HKDC1: variants seen among roughly 807,000 people sequenced by gnomAD.
The protein encoded by HKDC1 is hexokinase domain containing 1, also known as hexokinase HKDC1.
A neutral mutation model predicts 96.6 loss-of-function variants in HKDC1; 66 were observed. The observed-to-expected ratio is 0.68, with a 90% confidence interval of 0.56 to 0.84. The LOEUF is 0.84. Among genes scored for constraint, HKDC1 ranks in the 40% least tolerant of loss-of-function variants. The probability of loss-of-function intolerance (pLI) is 0.00; values close to 1 mark genes in which losing one functional copy is unlikely to be tolerated. For synonymous variants in HKDC1, 466 were observed against 473.1 expected (o/e 0.98, Z 0.20); for missense variants, 1,211 against 1,208.1 (o/e 1.00, Z -0.04).
At chr10:69,247,792 G>C (rs753313450) in intron 9 of HKDC1, among the ~76,000 whole-genome samples, 199 bp downstream of exon 9, 5 of 152,200 alleles carry the variant, frequency 3.3e-5, no homozygotes, top group Non-Finnish European at 7.3e-5. Flanking sequence ...TACTCTTAAA[G>C]AAATATTCTG....
chr10:69,258,426 C>T (rs1027729713), intron 14 of HKDC1, among the ~76,000 whole-genome samples: 10 of 152,088 alleles, frequency 6.6e-5, no homozygotes, highest in Admixed American at 3.9e-4. Context: ...GCTAATTTTA[C>T]GACTGCTTGG....
In HKDC1 at chr10:69,232,828, C is replaced by G. The variant is rs369176877; in HGVS notation, c.291C>G (p.Val97=). 3.1e-6 allele frequency: 5 copies of G among 1,613,902 alleles called. No homozygotes were observed. The highest frequency in any genetic ancestry group is 4.2e-6 in the Non-Finnish European group (5 of 1,180,024). The change falls in exon 3 of 18, where the codon GTC becomes GTG. Residue 97 remains valine (V), a synonymous_variant. Coordinates refer to ENST00000354624, the MANE Select transcript of HKDC1 (RefSeq NM_025130.4). The part of the protein sequence containing the change: ...GSKFRVLKVQ[V]AEEGKRHVQM... ...AGTTCCGAGTGCTGAAGGTGCAAGT[C>G]GCTGAAGAGGGGAAGCGACACGTGC... is the stretch of plus-strand genomic sequence containing the variant.
intron 2 of HKDC1, among the ~76,000 whole-genome samples, chr10:69,229,843 G>A (rs1387931819): frequency 6.6e-6 from 1 of 152,138 alleles, no homozygotes; most frequent in African/African-American, 2.4e-5. Context: ...TAAGCCAGGT[G>A]TTCTTGGTAA....
intron 10 of HKDC1, chr10:69,249,104 T>C: frequency 5.5e-6 from 1 of 181,206 alleles, no homozygotes; most frequent in Non-Finnish European, 1.2e-5. Flanking sequence ...TCTGTTCTCT[T>C]CTGCAGCTTG....
intron 7 of HKDC1, among the ~76,000 whole-genome samples, chr10:69,245,733 C>G (rs1270324575): frequency 2.0e-5 from 3 of 152,078 alleles, no homozygotes; most frequent in Non-Finnish European, 4.4e-5. Flanking sequence ...CTGTCCAAGC[C>G]CATCTCACAA....
intron 6 of HKDC1, 144 bp downstream of exon 6, chr10:69,240,895 T>C (rs1242071187): frequency 1.6e-6 from 1 of 615,534 alleles, no homozygotes; most frequent in East Asian, 3.0e-5. Context: ...AATTCATTCA[T>C]TCATCCATTC....
At chr10:69,259,017 C>A in intron 15 of HKDC1, 58 bp downstream of exon 15, 1 of 1,324,748 alleles carries the variant, frequency 7.5e-7, no homozygotes, top group Non-Finnish European at 1.0e-6. Context: ...CACTACCAGA[C>A]CTAAGGGGGT....
rs772424808 is a variant in HKDC1, at chr10:69,261,295, G to A, written c.2372+1G>A. 9 of 1,613,582 alleles carry A rather than the reference G, an allele frequency of 5.6e-6. No individual in the cohort carries two copies. The highest frequency in any genetic ancestry group is 7.6e-6 in the Non-Finnish European group (9 of 1,179,546). ...CCAAGTTCCTGTCCCAGATCGAAAGGTGACCTGTGATCAAGTTCATCATGA... is the reference window on the plus strand; with the variant it reads ...CCAAGTTCCTGTCCCAGATCGAAAGATGACCTGTGATCAAGTTCATCATGA... On this transcript the variant is annotated splice_donor_variant, in intron 16 of 17. Coordinates refer to ENST00000354624, the MANE Select transcript of HKDC1 (RefSeq NM_025130.4). LOFTEE classifies it high-confidence loss of function.
At chr10:69,234,761 A>T (rs927580964) in intron 4 of HKDC1, among the ~76,000 whole-genome samples, 1 of 152,250 alleles carries the variant, frequency 6.6e-6, no homozygotes, top group Non-Finnish European at 1.5e-5. Context: ...GAGGGCAAGC[A>T]GTGCCCGCCA....
chr10:69,245,176 A>G (rs533221878), intron 7 of HKDC1, among the ~76,000 whole-genome samples: 35 of 152,350 alleles, frequency 2.3e-4, no homozygotes, highest in Admixed American at 2.2e-3. Context: ...TGCTGGGATT[A>G]CAGGCATGAG....
intron 6 of HKDC1, among the ~76,000 whole-genome samples, chr10:69,242,607 C>G (rs1843472023): frequency 6.6e-6 from 1 of 152,152 alleles, no homozygotes; most frequent in African/African-American, 2.4e-5. Context: ...AGATGGTGCC[C>G]ACTTGCAGTC....
In HKDC1 at chr10:69,257,368, G is replaced by A; in HGVS notation, c.1974G>A (p.Val658=). 1 of 1,614,022 alleles carries A rather than the reference G, an allele frequency of 6.2e-7. No individual in the cohort carries two copies. Among genetic ancestry groups the A allele is most frequent in the Non-Finnish European group, 8.5e-7 (1 of 1,179,912 alleles). Residue 658 remains valine, a synonymous_variant, in exon 14 of 18, where the codon GTG becomes GTA. Coordinates refer to ENST00000354624, the MANE Select transcript of HKDC1 (RefSeq NM_025130.4). The part of the protein sequence containing the change: ...LDIVAVVNDT[V]GTMMTCGYED... ...TTGTTGCAGTCGTGAATGATACAGTGGGGACCATGATGACCTGTGGCTATG... is the reference window on the plus strand; with the variant it reads ...TTGTTGCAGTCGTGAATGATACAGTAGGGACCATGATGACCTGTGGCTATG...
intron 2 of HKDC1, among the ~76,000 whole-genome samples, chr10:69,230,809 G>A (rs1843245811): frequency 6.6e-6 from 1 of 152,170 alleles, no homozygotes; most frequent in Non-Finnish European, 1.5e-5. Flanking sequence ...TGTAGAGACA[G>A]GGTTTTACCA....
chr10:69,259,675 G>T (rs1348389235), intron 15 of HKDC1, among the ~76,000 whole-genome samples: 1 of 152,202 alleles, frequency 6.6e-6, no homozygotes, highest in Non-Finnish European at 1.5e-5. Flanking sequence ...GCATGGCTGG[G>T]AGGCCTCAGG....
chr10:69,250,899 C>G (rs1418230019), intron 12 of HKDC1, among the ~76,000 whole-genome samples: 1 of 152,040 alleles, frequency 6.6e-6, no homozygotes, highest in Non-Finnish European at 1.5e-5. Flanking sequence ...AATATTCCTA[C>G]TAAAAGAGAG....
At chr10:69,223,582 T>C (rs1843101457) in intron 1 of HKDC1, among the ~76,000 whole-genome samples, 2 of 138,198 alleles carry the variant, frequency 1.4e-5, no homozygotes, top group Non-Finnish European at 3.1e-5. Flanking sequence ...AATCTAATTT[T>C]TTTTTTTTTT....
chr10:69,233,049 C>A lies in HKDC1; in HGVS notation c.411C>A (p.Phe137Leu). 6.2e-7 allele frequency: 1 copy of A among 1,614,170 alleles called. No individual in the cohort carries two copies. The highest frequency in any genetic ancestry group is 8.5e-7 in the Non-Finnish European group (1 of 1,180,046). Residue 137 changes from phenylalanine to leucine, a missense_variant, in exon 4 of 18, where the codon TTC becomes TTA. Physicochemically the swap from Phe to Leu is conservative, Grantham distance 22. Coordinates refer to ENST00000354624, the MANE Select transcript of HKDC1 (RefSeq NM_025130.4). ...FEYVADCLAD[F>L]MKTKDLKHKK... ...ATGTAGCTGACTGTCTGGCAGATTT[C>A]ATGAAGACCAAAGATTTAAAGCATA... is the stretch of plus-strand genomic sequence containing the variant.
At chr10:69,236,547 G>A (rs1486945364) in intron 4 of HKDC1, among the ~76,000 whole-genome samples, 4 of 151,870 alleles carry the variant, frequency 2.6e-5, no homozygotes, top group East Asian at 2.0e-4. Context: ...TTGGGAGGCC[G>A]AGGAGGGTGG....
chr10:69,266,463 T>TA (rs35672201), intron 17 of HKDC1, 147 bp from the exon 18 acceptor site: 247,338 of 541,600 alleles, frequency 0.46, 31,105 homozygotes, highest in African/African-American at 0.58. Flanking sequence ...AGACCATGTC[T>TA]AAAAAAAAAA....
Sources: allele counts gnomAD v4.1 joint callset (sites outside exome capture counted in the v4.1 genomes callset), GRCh38; gene constraint gnomAD v4.1.1; transcripts MANE v1.5; gene names NCBI Gene and HGNC (gene_info 2026-07-23, HGNC 2026-07-21).